EYS: variants seen among roughly 807,000 people sequenced by gnomAD.
EYS encodes EGF-like photoreceptor maintenance factor, also known as protein eyes shut homolog.
In EYS, 250 loss-of-function variants were observed where a neutral mutation model predicts 282.1. That is an observed-to-expected ratio of 0.89 (90% CI 0.80 to 0.98). The LOEUF (loss-of-function observed/expected upper bound fraction) is 0.98, where lower values mean the gene tolerates loss of function less well. EYS is among the 50% of genes least tolerant of loss of function. The pLI is 0.00. For synonymous variants in EYS, 1,355 were observed against 1,282.9 expected (o/e 1.06, Z -1.20); for missense variants, 4,016 against 3,709.0 (o/e 1.08, Z -2.15).
intron 31 of EYS, among the ~76,000 whole-genome samples, chr6:64,160,905 G>A (rs1373971229): frequency 6.6e-6 from 1 of 152,126 alleles, no homozygotes. Context: ...AATGATGCCA[G>A]GACTGCTGTT....
intron 35 of EYS, among the ~76,000 whole-genome samples, chr6:63,939,212 A>G (rs1689115424): frequency 6.6e-6 from 1 of 151,852 alleles, no homozygotes; most frequent in South Asian, 2.1e-4. Flanking sequence ...CAAGCTCAGT[A>G]TCTCTAAAAT....
Position 65,004,257 on chromosome 6 carries a change from G to A in EYS, c.2138-6554C>T, listed in dbSNP as rs756640424. Among the ~76,000 whole-genome samples the A allele has an allele frequency of 2.7e-5, 4 of 147,268 alleles. 2 individuals carry two copies. The highest frequency in any genetic ancestry group is 4.2e-4 in the East Asian group (2 of 4,724). Reference sequence around the variant, plus strand: ...CACATTTCATTAGATTTCCTCATTCGCTGCACTTGTGACTCACAAAAATAT... The same window carrying A: ...CACATTTCATTAGATTTCCTCATTCACTGCACTTGTGACTCACAAAAATAT... On this transcript the variant is annotated intron_variant, in intron 13 of 42. Coordinates refer to ENST00000503581, the MANE Select transcript of EYS (RefSeq NM_001142800.2).
rs1767312460 is a variant in EYS at position 64,617,533 on chromosome 6, C to T, written c.3569G>A (p.Gly1190Glu). Residue 1190 changes from glycine to glutamate, a missense_variant and splice_region_variant, in exon 24 of 43, where the codon GGA (glycine) becomes GAA (glutamate). Coordinates refer to ENST00000503581, the MANE Select transcript of EYS (RefSeq NM_001142800.2). ...ATTCTCACAGTGGTGTCCAGACCAT[C>T]CTGTTCAACAAAATTACAAAGCAGA... ...INGYVCKCQP[G>E]WSGHHCENEL... 1 of 1,526,414 alleles carries T rather than the reference C, an allele frequency of 6.6e-7. No individual in the cohort carries two copies. The highest frequency in any genetic ancestry group is 8.9e-7 in the Non-Finnish European group (1 of 1,125,802). The allele number at this position is 1,526,414 out of a possible 1,614,324, so 94.6% of individuals were successfully genotyped here. A position where few individuals can be genotyped will look rare whatever the true frequency, so the allele number is the denominator to read the frequency against.
In EYS at chr6:65,085,949, T is replaced by TAAAC. The variant is rs1405978367; in HGVS notation, c.2024-28223_2024-28222insGTTT. 1.2e-3 allele frequency among the ~76,000 whole-genome samples: 129 copies of TAAAC among 110,456 alleles called. 2 individuals carry two copies. Among genetic ancestry groups the TAAAC allele is most frequent in the Admixed American group, 7.8e-3 (93 of 11,860 alleles). 72.5% of individuals were successfully genotyped at this position (110,456 alleles called of 152,430 possible). A position where few individuals can be genotyped will look rare whatever the true frequency, so the allele number is the denominator to read the frequency against. ...CTCTCCCTTCCCTTCCCAAAATTAA[T>TAAAC]CTCTCCCTTCTCTACGTCTATAAAA... On this transcript the variant is annotated intron_variant, in intron 12 of 42. Transcript: ENST00000503581.
intron 35 of EYS, among the ~76,000 whole-genome samples, chr6:63,884,316 A>T (rs1458194294): frequency 2.0e-5 from 3 of 152,336 alleles, no homozygotes; most frequent in Admixed American, 2.0e-4. Flanking sequence ...ATAAAAAAAA[A>T]AATTCAAATT....
At chr6:63,873,323 G>T (rs1772866746) in intron 35 of EYS, among the ~76,000 whole-genome samples, 1 of 152,102 alleles carries the variant, frequency 6.6e-6, no homozygotes, top group Non-Finnish European at 1.5e-5. Context: ...CCCTACAAAG[G>T]ACATGAACTC....
chr6:65,299,467 T>C (rs1398412650), intron 11 of EYS, among the ~76,000 whole-genome samples: 2 of 152,088 alleles, frequency 1.3e-5, no homozygotes, highest in East Asian at 3.9e-4. Context: ...TGAAAGCTCA[T>C]TGGGATGTTC....
At chr6:64,508,927 A>T (rs1041729650) in intron 26 of EYS, among the ~76,000 whole-genome samples, 23 of 151,902 alleles carry the variant, frequency 1.5e-4, no homozygotes, top group Non-Finnish European at 2.4e-4. Flanking sequence ...TTTTAGCCAG[A>T]TCTAGTATCT....
At chr6:65,678,843 C>G (rs1278092283) in intron 1 of EYS, among the ~76,000 whole-genome samples, 4 of 150,232 alleles carry the variant, frequency 2.7e-5, no homozygotes, top group Non-Finnish European at 4.4e-5. Context: ...TACAAATGAC[C>G]CACATCTTCA....
intron 22 of EYS, among the ~76,000 whole-genome samples, chr6:64,706,269 C>G (rs1025805051): frequency 6.6e-6 from 1 of 152,004 alleles, no homozygotes; most frequent in Admixed American, 6.6e-5. Context: ...GCAAGCCACA[C>G]GTAGATGCGT....
At chr6:65,287,947 C>T (rs1179045361) in intron 12 of EYS, among the ~76,000 whole-genome samples, 3 of 151,032 alleles carry the variant, frequency 2.0e-5, no homozygotes, top group African/African-American at 7.3e-5. Context: ...ACTCAAAGTC[C>T]AGGGATCAAA....
At chr6:64,858,433 C>A (rs1399187685) in intron 19 of EYS, among the ~76,000 whole-genome samples, 1 of 151,788 alleles carries the variant, frequency 6.6e-6, no homozygotes. Flanking sequence ...TTTGGGTTTT[C>A]TATCCTGTTC....
intron 9 of EYS, among the ~76,000 whole-genome samples, chr6:65,349,990 A>T (rs978840853): frequency 2.6e-5 from 4 of 151,440 alleles, no homozygotes; most frequent in African/African-American, 7.2e-5. Context: ...TTATGATTTA[A>T]TTAGCTTGAT....
intron 10 of EYS, among the ~76,000 whole-genome samples, chr6:65,341,103 A>T (rs1005691865): frequency 6.6e-6 from 1 of 151,206 alleles, no homozygotes; most frequent in Non-Finnish European, 1.5e-5. Flanking sequence ...GAGGAAGCTC[A>T]GCTGGGAGAG....
At chr6:65,368,266 G>T (rs1158273996) in intron 8 of EYS, among the ~76,000 whole-genome samples, 4 of 151,472 alleles carry the variant, frequency 2.6e-5, no homozygotes, top group Admixed American at 6.7e-5. Flanking sequence ...GATGAGATTT[G>T]GGTAGGGACA....
intron 36 of EYS, among the ~76,000 whole-genome samples, chr6:63,839,133 G>C (rs1771883493): frequency 6.6e-6 from 1 of 152,102 alleles, no homozygotes; most frequent in Admixed American, 6.6e-5. Flanking sequence ...TAGTCACTCT[G>C]TAGTGTCATA....
intron 30 of EYS, among the ~76,000 whole-genome samples, chr6:64,296,430 T>G (rs1768990139): frequency 6.6e-6 from 1 of 151,830 alleles, no homozygotes; most frequent in African/African-American, 2.4e-5. Flanking sequence ...GCTATATTAT[T>G]CATGTTAACT....
chr6:63,992,118 G>C (rs1319308704), intron 34 of EYS, among the ~76,000 whole-genome samples: 1 of 151,654 alleles, frequency 6.6e-6, no homozygotes, highest in Non-Finnish European at 1.5e-5. Flanking sequence ...TGAAATAGAA[G>C]AATACTAGAC....
intron 31 of EYS, among the ~76,000 whole-genome samples, chr6:64,144,291 C>T (rs905495979): frequency 6.6e-6 from 1 of 152,106 alleles, no homozygotes; most frequent in Non-Finnish European, 1.5e-5. Context: ...TACCATATTG[C>T]TTCACTTTTT....
Sources: gnomAD v4.1 joint callset for allele counts (sites outside exome capture counted in the v4.1 genomes callset) on GRCh38, gnomAD v4.1.1 for gene constraint, MANE v1.5 for transcripts, NCBI Gene and HGNC (gene_info 2026-07-23, HGNC 2026-07-21) for gene names.